SLC30A6: variants seen among roughly 807,000 people sequenced by gnomAD.
The protein encoded by SLC30A6 is zinc transporter 6.
A neutral mutation model predicts 63.0 loss-of-function variants in SLC30A6; 55 were observed. That is an observed-to-expected ratio of 0.87 (90% CI 0.70 to 1.09). SLC30A6 has a LOEUF of 1.09. SLC30A6 is among the 50% of genes least tolerant of loss of function. SLC30A6 has a pLI of 0.00. For synonymous variants in SLC30A6, 224 were observed against 186.1 expected (o/e 1.20, Z -1.66); for missense variants, 587 against 549.2 (o/e 1.07, Z -0.69).
At chr2:32,169,718 G>C (rs767775851) in intron 1 of SLC30A6, among the ~76,000 whole-genome samples, 30 of 152,170 alleles carry the variant, frequency 2.0e-4, no homozygotes, top group Non-Finnish European at 3.7e-4. Context: ...CCTGTTTGCC[G>C]TGTAGCCTAT....
chr2:32,197,646 G>T, intron 9 of SLC30A6, 61 bp from the exon 10 acceptor site: 1 of 1,606,354 alleles, frequency 6.2e-7, no homozygotes, highest in Non-Finnish European at 8.5e-7. Context: ...CTTTTACAAG[G>T]TTGTCACCAG....
chr2:32,202,765 CTT>C (rs968270515), intron 10 of SLC30A6: 86 of 715,062 alleles, frequency 1.2e-4, no homozygotes, highest in Non-Finnish European at 2.2e-4. Flanking sequence ...AGTCCTCAGA[CTT>C]TACTTTTTTC....
At chr2:32,193,613 A>T (rs1450443425) in intron 7 of SLC30A6, among the ~76,000 whole-genome samples, 1 of 152,196 alleles carries the variant, frequency 6.6e-6, no homozygotes, top group Non-Finnish European at 1.5e-5. Flanking sequence ...TAAAACAAAT[A>T]CCATTGATAT....
chr2:32,175,126 AG>A (rs1681611025), intron 3 of SLC30A6, among the ~76,000 whole-genome samples, 192 bp from the exon 4 acceptor site: 1 of 152,162 alleles, frequency 6.6e-6, no homozygotes, highest in Non-Finnish European at 1.5e-5. Flanking sequence ...TTGGGAAGTA[AG>A]CTTTTCTACC....
chr2:32,180,307 G>A (rs1682181719), intron 4 of SLC30A6, among the ~76,000 whole-genome samples: 1 of 151,882 alleles, frequency 6.6e-6, no homozygotes. Context: ...CTGAATAGTA[G>A]GCAGTAGGAT....
At chr2:32,205,001 T>G (rs1684623211) in intron 11 of SLC30A6, among the ~76,000 whole-genome samples, 1 of 151,992 alleles carries the variant, frequency 6.6e-6, no homozygotes, top group African/African-American at 2.4e-5. Context: ...TTTGTAGAGA[T>G]GGGCTCTCAC....
intron 13 of SLC30A6, among the ~76,000 whole-genome samples, chr2:32,218,196 G>A (rs1685869349): frequency 1.3e-5 from 2 of 152,108 alleles, no homozygotes; most frequent in South Asian, 4.2e-4. Context: ...TGAGGCAGGA[G>A]GATCGCTTGA....
intron 13 of SLC30A6, among the ~76,000 whole-genome samples, chr2:32,218,317 G>A (rs1685880403): frequency 1.3e-5 from 2 of 152,070 alleles, no homozygotes; most frequent in Non-Finnish European, 2.9e-5. Context: ...ACTTTTTCAA[G>A]TTAACAAATA....
At chr2:32,203,069 A>G in intron 10 of SLC30A6, 1 of 1,299,804 alleles carries the variant, frequency 7.7e-7, no homozygotes, top group Non-Finnish European at 1.1e-6. Flanking sequence ...GGGACATTGC[A>G]CAGTCACAAA....
At chr2:32,166,460 C>G (rs1680665041) in intron 1 of SLC30A6, among the ~76,000 whole-genome samples, 2 of 152,186 alleles carry the variant, frequency 1.3e-5, no homozygotes, top group African/African-American at 4.8e-5. Context: ...TTTATTGCTG[C>G]TTTATTTCTG....
chr2:32,205,793 G>A (rs571714489), intron 11 of SLC30A6, among the ~76,000 whole-genome samples: 3 of 149,374 alleles, frequency 2.0e-5, no homozygotes, highest in African/African-American at 4.9e-5. Context: ...TCAGCATCCC[G>A]AGTAGCTGGG....
intron 5 of SLC30A6, among the ~76,000 whole-genome samples, chr2:32,187,903 C>T (rs1053693985): frequency 6.6e-6 from 1 of 152,148 alleles, no homozygotes. Flanking sequence ...TTTCTGTCTC[C>T]ACTACTGCCA....
At chr2:32,209,318 A>G (rs984488193) in intron 12 of SLC30A6, among the ~76,000 whole-genome samples, 175 bp from the exon 13 acceptor site, 1 of 152,224 alleles carries the variant, frequency 6.6e-6, no homozygotes, top group East Asian at 1.9e-4. Context: ...TTGGGTCAGT[A>G]TGGAACAAAC....
intron 4 of SLC30A6, among the ~76,000 whole-genome samples, chr2:32,181,853 G>A (rs1308403049): frequency 6.6e-6 from 1 of 151,184 alleles, no homozygotes; most frequent in Non-Finnish European, 1.5e-5. Context: ...GGGCGACAGA[G>A]TGAGACTCCG....
chr2:32,223,668 G>A lies in SLC30A6; in HGVS notation c.*2955G>A, dbSNP rs1371701237. 6.6e-6 allele frequency: 1 copy of A among 152,200 alleles called. No homozygotes were observed. Among genetic ancestry groups the A allele is most frequent in the African/African-American group, 2.4e-5 (1 of 41,442 alleles). The allele number at this position is 152,200 out of a possible 1,614,324, so 9.4% of individuals were successfully genotyped here. A position where few individuals can be genotyped will look rare whatever the true frequency, so the allele number is the denominator to read the frequency against. ...ATTAATTTGAGGTGCCATGAGAATA[G>A]GTGAACCACAGCCTAACACCATTTA... On this transcript the variant is annotated 3_prime_UTR_variant, in exon 14 of 14. Transcript: ENST00000282587.
chr2:32,209,698 A>G (rs964278049), intron 13 of SLC30A6, 137 bp downstream of exon 13: 4 of 692,662 alleles, frequency 5.8e-6, no homozygotes, highest in Non-Finnish European at 9.3e-6. Flanking sequence ...TAAAATGTAC[A>G]TGAATTCAAT....
intron 13 of SLC30A6, among the ~76,000 whole-genome samples, chr2:32,218,639 G>A (rs1233170478): frequency 6.6e-6 from 1 of 151,958 alleles, no homozygotes; most frequent in African/African-American, 2.4e-5. Context: ...TCTCTGCAAC[G>A]TCTGCCTCCT....
chr2:32,211,161 C>T (rs1685223138), intron 13 of SLC30A6, among the ~76,000 whole-genome samples: 2 of 152,292 alleles, frequency 1.3e-5, no homozygotes, highest in East Asian at 1.9e-4. Flanking sequence ...GCTTGCTCCT[C>T]GACTGTACAC....
chr2:32,167,299 T>C (rs1250327677), intron 1 of SLC30A6, among the ~76,000 whole-genome samples: 1 of 151,850 alleles, frequency 6.6e-6, no homozygotes, highest in Non-Finnish European at 1.5e-5. Flanking sequence ...GATCGCGAAC[T>C]CCTGACCTCA....
Sources: allele counts gnomAD v4.1 joint callset (sites outside exome capture counted in the v4.1 genomes callset), GRCh38; gene constraint gnomAD v4.1.1; transcripts MANE v1.5; gene names NCBI Gene and HGNC (gene_info 2026-07-23, HGNC 2026-07-21).